Variants in TLN2 observed in about 807,000 individuals in gnomAD.
TLN2 encodes talin 2, also known as talin-2.
Under a neutral mutation model 294.7 loss-of-function variants are expected in TLN2, and 118 were observed. The observed-to-expected ratio is 0.40, with a 90% CI of 0.34 to 0.47. TLN2 has a LOEUF of 0.47. Among genes scored for constraint, TLN2 ranks in the 20% least tolerant of loss-of-function variants. The probability of loss-of-function intolerance (pLI) is 0.84; values close to 1 mark genes in which losing one functional copy is unlikely to be tolerated. For synonymous variants in TLN2, 1,431 were observed against 1,304.5 expected, an observed-to-expected ratio of 1.10 and a Z score of -2.09; for missense variants, 3,083 against 3,282.2, an observed-to-expected ratio of 0.94 and a Z score of 1.48.
intron 1 of TLN2, among the ~76,000 whole-genome samples, chr15:62,582,204 A>ACACACACACG: frequency 9.7e-6 from 1 of 102,812 alleles, no homozygotes; most frequent in African/African-American, 3.7e-5. Context: ...ATACACACAC[A>ACACACACACG]CACACACACA....
chr15:62,718,305 T>G (rs2059912437), intron 24 of TLN2, among the ~76,000 whole-genome samples: 1 of 152,190 alleles, frequency 6.6e-6, no homozygotes, highest in Non-Finnish European at 1.5e-5. Flanking sequence ...AGACACAAAG[T>G]CCAGTTGCAA....
At chr15:62,464,408 C>CA (rs573331106) in intron 1 of TLN2, among the ~76,000 whole-genome samples, 278 of 152,200 alleles carry the variant, frequency 1.8e-3, no homozygotes, top group South Asian at 3.3e-3. Flanking sequence ...GAACATCACA[C>CA]ACTGGGGCCT....
At chr15:62,704,248 C>T (rs574759121) in intron 19 of TLN2, among the ~76,000 whole-genome samples, 186 of 152,132 alleles carry the variant, frequency 1.2e-3, no homozygotes, top group Non-Finnish European at 1.6e-3. Context: ...AGAAAAATAA[C>T]GTAATGTTTT....
At chr15:62,730,456 C>T (rs1303534494) in intron 28 of TLN2, among the ~76,000 whole-genome samples, 1 of 152,174 alleles carries the variant, frequency 6.6e-6, no homozygotes, top group East Asian at 1.9e-4. Context: ...ACCCTTCGTT[C>T]CTTCTGCGTC....
At chr15:62,666,722 C>T (rs1281121231) in intron 9 of TLN2, among the ~76,000 whole-genome samples, 1 of 152,198 alleles carries the variant, frequency 6.6e-6, no homozygotes, top group Non-Finnish European at 1.5e-5. Flanking sequence ...TGTGTTATCA[C>T]CTCACTTAAC....
chr15:62,452,349 T>C (rs2036206955), intron 1 of TLN2, among the ~76,000 whole-genome samples: 1 of 152,224 alleles, frequency 6.6e-6, no homozygotes, highest in Non-Finnish European at 1.5e-5. Context: ...TAGATACCTA[T>C]TCCGTGAAGT....
intron 37 of TLN2, among the ~76,000 whole-genome samples, chr15:62,760,098 CG>C (rs772076852): frequency 2.0e-5 from 3 of 152,068 alleles, no homozygotes; most frequent in African/African-American, 7.2e-5. Flanking sequence ...AAGAAGTAGC[CG>C]GCGTGCAAGG....
At chr15:62,833,232 G>C in intron 54 of TLN2, 1 of 388,082 alleles carries the variant, frequency 2.6e-6, no homozygotes, top group South Asian at 4.4e-5. Flanking sequence ...GCTGTGCCTG[G>C]CCATTGTCTC....
intron 51 of TLN2, among the ~76,000 whole-genome samples, chr15:62,807,558 CAG>C (rs576072442): frequency 1.2e-3 from 180 of 152,268 alleles, no homozygotes; most frequent in African/African-American, 4.1e-3. Flanking sequence ...CAGACGTGAA[CAG>C]GGGAAACTGA....
chr15:62,695,097 C>G (rs2058232066), intron 14 of TLN2, among the ~76,000 whole-genome samples: 1 of 152,112 alleles, frequency 6.6e-6, no homozygotes, highest in Non-Finnish European at 1.5e-5. Flanking sequence ...TCATGGTATT[C>G]TTAATTTAGC....
chr15:62,411,054 G>T (rs2140253495), intron 1 of TLN2, among the ~76,000 whole-genome samples: 1 of 152,242 alleles, frequency 6.6e-6, no homozygotes, highest in Admixed American at 6.5e-5. Flanking sequence ...ATCTTTTTCT[G>T]GGTGTCTACC....
chr15:62,448,151 G>A (rs188564456), intron 1 of TLN2, among the ~76,000 whole-genome samples: 102 of 152,324 alleles, frequency 6.7e-4, no homozygotes, highest in Non-Finnish European at 1.3e-3. Flanking sequence ...AGCCTGCATA[G>A]TGCCTCCTTA....
chr15:62,748,287 A>G, intron 32 of TLN2, 64 bp from the exon 33 acceptor site: 1 of 1,223,104 alleles, frequency 8.2e-7, no homozygotes, highest in Non-Finnish European at 1.2e-6. Context: ...GAGCCTGCAA[A>G]GCATTGTAGG....
intron 10 of TLN2, 104 bp from the exon 11 acceptor site, chr15:62,675,113 C>T (rs779653736): frequency 4.9e-6 from 5 of 1,019,092 alleles, no homozygotes; most frequent in East Asian, 5.0e-5. Flanking sequence ...ACTTAATGAT[C>T]ATTCCTAGCC....
At chr15:62,598,374 C>T (rs893041827) in intron 2 of TLN2, among the ~76,000 whole-genome samples, 3 of 152,110 alleles carry the variant, frequency 2.0e-5, no homozygotes, top group Non-Finnish European at 4.4e-5. Context: ...CCCAGAAAAT[C>T]GCTGCTTCTC....
At chr15:62,799,160 C>A (rs921000146) in intron 48 of TLN2, among the ~76,000 whole-genome samples, 1 of 152,148 alleles carries the variant, frequency 6.6e-6, no homozygotes, top group Non-Finnish European at 1.5e-5. Context: ...AGGTTAAGAC[C>A]GTGGCCCTCA....
At chr15:62,455,679 T>C (rs2036435414) in intron 1 of TLN2, among the ~76,000 whole-genome samples, 1 of 152,224 alleles carries the variant, frequency 6.6e-6, no homozygotes. Context: ...CCAGGTGCCC[T>C]GCTCGGGGCT....
chr15:62,532,488 A>G (rs117435154), intron 1 of TLN2, among the ~76,000 whole-genome samples: 12,469 of 152,100 alleles, frequency 0.082, 1,120 homozygotes, highest in African/African-American at 0.23. Context: ...CCAGCAGTGA[A>G]CTGCTCTCCA....
chr15:62,684,819 G>C (rs145516384), intron 11 of TLN2, among the ~76,000 whole-genome samples: 26 of 150,972 alleles, frequency 1.7e-4, no homozygotes, highest in African/African-American at 6.3e-4. Flanking sequence ...GAAAAATGAT[G>C]ATACCAGTGT....
Sources: allele counts gnomAD v4.1 joint callset (sites outside exome capture counted in the v4.1 genomes callset), GRCh38; gene constraint gnomAD v4.1.1; transcripts MANE v1.5; gene names NCBI Gene and HGNC (gene_info 2026-07-23, HGNC 2026-07-21).